The following DLG2 variants were observed in gnomAD, a reference collection of about 807,000 sequenced individuals.
The protein encoded by DLG2 is discs large MAGUK scaffold protein 2.
In DLG2, 45 loss-of-function variants were observed where a neutral mutation model predicts 132.5. The observed-to-expected ratio is 0.34, with a 90% confidence interval of 0.27 to 0.44. The LOEUF is 0.44. Among genes scored for constraint, DLG2 ranks in the 20% least tolerant of loss-of-function variants. The pLI is 1.00. For missense variants in DLG2, 1,045 were observed against 1,196.9 expected, an observed-to-expected ratio of 0.87 and a Z score of 1.87; for synonymous variants, 424 against 419.6, an observed-to-expected ratio of 1.01 and a Z score of -0.13.
intron 14 of DLG2, among the ~76,000 whole-genome samples, chr11:83,944,260 G>A (rs1434152077): frequency 6.6e-6 from 1 of 152,140 alleles, no homozygotes; most frequent in East Asian, 1.9e-4. Flanking sequence ...TAAAGTCTCA[G>A]AAATCACCAC....
chr11:85,068,596 G>A (rs1465163394), intron 6 of DLG2, among the ~76,000 whole-genome samples: 1 of 152,032 alleles, frequency 6.6e-6, no homozygotes, highest in African/African-American at 2.4e-5. Context: ...ACTTACAAGG[G>A]ACGTGAAGGA....
intron 6 of DLG2, among the ~76,000 whole-genome samples, chr11:84,557,915 A>T (rs944073126): frequency 4.6e-5 from 7 of 152,070 alleles, no homozygotes; most frequent in African/African-American, 1.7e-4. Context: ...TTTTTGTCAG[A>T]AATATACCAA....
At chr11:83,584,371 G>A (rs1010152679) in intron 19 of DLG2, among the ~76,000 whole-genome samples, 2 of 152,048 alleles carry the variant, frequency 1.3e-5, no homozygotes, top group East Asian at 3.9e-4. Flanking sequence ...ATAACAATAC[G>A]GCTAGCATAA....
intron 6 of DLG2, among the ~76,000 whole-genome samples, chr11:84,932,551 G>A (rs544338776): frequency 2.0e-5 from 3 of 151,938 alleles, no homozygotes; most frequent in East Asian, 1.9e-4. Flanking sequence ...TGTTGTTCCC[G>A]TCCCTGTGCC....
chr11:85,513,879 C>G (rs1182766106), intron 3 of DLG2, among the ~76,000 whole-genome samples: 1 of 151,902 alleles, frequency 6.6e-6, no homozygotes, highest in African/African-American at 2.4e-5. Context: ...GATTAGTTAC[C>G]AAGTCCTATT....
chr11:84,873,316 T>C (rs773057680), intron 6 of DLG2, among the ~76,000 whole-genome samples: 16 of 152,150 alleles, frequency 1.1e-4, no homozygotes, highest in Middle Eastern at 3.2e-3. Context: ...AGGCAGCCTC[T>C]AGAAGCTGGA....
At chr11:84,369,080 A>C (rs1458989113) in intron 7 of DLG2, among the ~76,000 whole-genome samples, 2 of 152,134 alleles carry the variant, frequency 1.3e-5, no homozygotes, top group Non-Finnish European at 2.9e-5. Context: ...TGAAATTTTC[A>C]ATTTGATTGC....
At chr11:84,367,725 A>G (rs929925250) in intron 7 of DLG2, among the ~76,000 whole-genome samples, 105 of 152,206 alleles carry the variant, frequency 6.9e-4, no homozygotes, top group African/African-American at 2.3e-3. Flanking sequence ...CCTCTATGCT[A>G]TGACACAGCA....
intron 2 of DLG2, among the ~76,000 whole-genome samples, chr11:85,600,918 C>G (rs2080110011): frequency 3.3e-5 from 5 of 152,114 alleles, no homozygotes; most frequent in Admixed American, 2.6e-4. Flanking sequence ...ATAAATCAAG[C>G]CCAAATTTGT....
intron 7 of DLG2, among the ~76,000 whole-genome samples, chr11:84,528,581 C>A (rs549004140): frequency 1.3e-5 from 2 of 152,188 alleles, no homozygotes; most frequent in African/African-American, 4.8e-5. Flanking sequence ...GTAAATTCTC[C>A]ATTAATACTA....
intron 5 of DLG2, among the ~76,000 whole-genome samples, chr11:85,142,713 T>G (rs1355221617): frequency 6.6e-6 from 1 of 151,804 alleles, no homozygotes; most frequent in Admixed American, 6.6e-5. Context: ...ATACATAGCT[T>G]TTAATTGTGT....
chr11:84,785,744 TTTA>T (rs1380348732), intron 6 of DLG2, among the ~76,000 whole-genome samples: 1 of 152,210 alleles, frequency 6.6e-6, no homozygotes, highest in African/African-American at 2.4e-5. Context: ...TCTAAACATT[TTTA>T]TTATGTTTTA....
chr11:85,531,712 C>A (rs1323593273), intron 3 of DLG2, among the ~76,000 whole-genome samples: 1 of 152,124 alleles, frequency 6.6e-6, no homozygotes, highest in African/African-American at 2.4e-5. Flanking sequence ...GAGCCTGTGA[C>A]TGAATCAGGT....
intron 6 of DLG2, among the ~76,000 whole-genome samples, chr11:84,965,778 T>G (rs542087181): frequency 8.9e-4 from 136 of 152,050 alleles, no homozygotes; most frequent in African/African-American, 3.2e-3. Context: ...AGATCTGCAG[T>G]CAAATTAAAT....
chr11:85,291,431 CA>C (rs2078882262), intron 3 of DLG2, among the ~76,000 whole-genome samples: 1 of 152,034 alleles, frequency 6.6e-6, no homozygotes, highest in Non-Finnish European at 1.5e-5. Flanking sequence ...ATTATGGGAA[CA>C]ATAGCAGTCA....
At chr11:83,890,325 AG>A (rs892281205) in intron 15 of DLG2, among the ~76,000 whole-genome samples, 11 of 151,426 alleles carry the variant, frequency 7.3e-5, no homozygotes, top group African/African-American at 1.7e-4. Context: ...GAAAAGGTAG[AG>A]TTTTTTTTTT....
chr11:84,589,187 G>A (rs1468218938), intron 6 of DLG2, among the ~76,000 whole-genome samples: 2 of 152,172 alleles, frequency 1.3e-5, no homozygotes, highest in Non-Finnish European at 2.9e-5. Flanking sequence ...GTGAGTAGGG[G>A]AGGCTGCAGG....
rs73525709 is a variant in DLG2, at chr11:84,488,645, G to T, written c.519+45925C>A. Among the ~76,000 whole-genome samples, 380 of 152,190 alleles carry T rather than the reference G, an allele frequency of 2.5e-3. 3 individuals carry two copies. Among genetic ancestry groups the T allele is most frequent in the African/African-American group, 5.3e-3 (222 of 41,554 alleles). On this transcript the variant is annotated intron_variant, in intron 7 of 27. Transcript: ENST00000376104. ...TCTGCTTCCCCATCACCACCTCACT[G>T]CTTCTGAGCCAGAAAATGGGCTAGA...
intron 22 of DLG2, among the ~76,000 whole-genome samples, chr11:83,482,800 A>C (rs190455235): frequency 6.6e-6 from 1 of 152,312 alleles, no homozygotes; most frequent in Admixed American, 6.5e-5. Context: ...AGCAAAGTGC[A>C]ACCCAATTAT....
Sources: allele counts gnomAD v4.1 joint callset (sites outside exome capture counted in the v4.1 genomes callset), GRCh38; gene constraint gnomAD v4.1.1; transcripts MANE v1.5; gene names NCBI Gene and HGNC (gene_info 2026-07-23, HGNC 2026-07-21).